Variants in RHBDL1 observed in about 807,000 individuals in gnomAD.
The protein encoded by RHBDL1 is rhomboid like 1, also known as rhomboid-related protein 1.
Under a neutral mutation model 34.0 loss-of-function variants are expected in RHBDL1, and 21 were observed. The ratio of observed to expected loss-of-function variants is 0.62; its 90% CI spans 0.44 to 0.89. The LOEUF (loss-of-function observed/expected upper bound fraction) is 0.89, where lower values mean the gene tolerates loss of function less well. RHBDL1 is among the 40% of genes least tolerant of loss of function. RHBDL1 has a pLI of 0.00. For missense variants in RHBDL1, 450 were observed against 530.6 expected (o/e 0.85, Z 1.49); for synonymous variants, 268 against 234.8 (o/e 1.14, Z -1.29).
Position 676,716 on chromosome 16 carries a change from C to T in RHBDL1, c.246C>T (p.Asn82=), listed in dbSNP as rs187335411. The T allele has an allele frequency of 1.7e-5, 27 of 1,612,332 alleles. No individual in the cohort carries two copies. The highest frequency in any genetic ancestry group is 6.7e-5 in the East Asian group (3 of 44,868). Residue 82 remains asparagine, a synonymous_variant, in exon 3 of 8, where the codon AAC becomes AAT. Transcript: ENST00000352681. The surrounding 1 kb of genome is among the most constrained non-coding windows in gnomAD (Gnocchi z 6.9). ...GCAGTTTCAAGCGGGCCATTGCTAA[C>T]GGACAGCGGGCACTGCCCCGGGACG... ...RSSSFKRAIA[N]GQRALPRDGP...
At chr16:677,730 G>C (rs974902314) in intron 7 of RHBDL1, 31 bp downstream of exon 7, 5 of 1,522,120 alleles carry the variant, frequency 3.3e-6, no homozygotes, top group Non-Finnish European at 3.5e-6. Flanking sequence ...GGGCCGGGGG[G>C]CCTCTCAGCC....
intron 1 of RHBDL1, 91 bp downstream of exon 1, chr16:675,920 A>G (rs2039526085): frequency 2.1e-6 from 3 of 1,422,828 alleles, no homozygotes; most frequent in Non-Finnish European, 2.8e-6. Flanking sequence ...GAGCTCCCCG[A>G]AAGCCCCGCT....
chr16:678,146 G>C lies in RHBDL1; in HGVS notation c.*94G>C, dbSNP rs2039586863. 7.0e-7 allele frequency: 1 copy of C among 1,424,638 alleles called. No individual in the cohort carries two copies. Among genetic ancestry groups the C allele is most frequent in the Non-Finnish European group, 9.1e-7 (1 of 1,095,724 alleles). The allele number at this position is 1,424,638 out of a possible 1,614,324, so 88.2% of individuals were successfully genotyped here. A position where few individuals can be genotyped will look rare whatever the true frequency, so the allele number is the denominator to read the frequency against. On this transcript the variant is annotated 3_prime_UTR_variant, in exon 8 of 8. Transcript: ENST00000352681. ...CTGCCCTTTGTGAACGGACGTCTCA[G>C]GGCTGCTGTGCCCCTTGGGTGTGGG... is the stretch of plus-strand genomic sequence containing the variant.
chr16:676,351 A>T lies in RHBDL1; in HGVS notation c.55A>T (p.Asn19Tyr), dbSNP rs756671413. 1.2e-6 allele frequency: 2 copies of T among 1,610,642 alleles called. No homozygotes were observed. Among genetic ancestry groups the T allele is most frequent in the Non-Finnish European group, 8.5e-7 (1 of 1,179,284 alleles). The stretch of plus-strand genomic sequence containing the variant: ...CTCACTGCAGCAGCTGGACCCCGAG[A>T]ACACAGGCTTCATCGGTGCGGACAC... ...LIQEQQLDPE[N>Y]TGFIGADTFT... The change falls in exon 2 of 8, where the codon AAC becomes TAC. Residue 19 changes from asparagine (N) to tyrosine (Y), a missense_variant. Physicochemically the swap from Asn to Tyr is moderately radical, Grantham distance 143. Coordinates refer to ENST00000352681, the MANE Select transcript of RHBDL1 (RefSeq NM_001278720.2). This position sits in a 1 kb window ranked among gnomAD's most constrained non-coding sequence, Gnocchi z 6.9.
rs768604704 is a variant in RHBDL1 at position 677,523 on chromosome 16, C to T, written c.753C>T (p.Tyr251=). 17 of 1,609,882 alleles carry T rather than the reference C, an allele frequency of 1.1e-5. No homozygotes were observed. The highest frequency in any genetic ancestry group is 2.2e-5 in the East Asian group (1 of 44,852). The change falls in exon 6 of 8, where the codon TAC becomes TAT. Residue 251 remains tyrosine, a synonymous_variant. Transcript: ENST00000352681. Reference sequence around the variant, plus strand: ...TGGTGGGAGGCTCCGGCGGGGTCTACGCCCTGTGCTCGGCACACCTGGCCA... The same window carrying T: ...TGGTGGGAGGCTCCGGCGGGGTCTATGCCCTGTGCTCGGCACACCTGGCCA... ...APVVGGSGGV[Y]ALCSAHLANV... is the part of the protein sequence containing the mutation.
At position 676,519 on chromosome 16, in the gene RHBDL1, C is replaced by T. The variant is rs189984085; in HGVS notation, c.201+22C>T. 51 of 1,573,386 alleles carry T rather than the reference C, an allele frequency of 3.2e-5. No homozygotes were observed. Among genetic ancestry groups the T allele is most frequent in the African/African-American group, 1.6e-4 (12 of 74,356 alleles). ...CCTGGTCAGTGCCACGGTGGGCAGGCGGCAGGGGCACGGTGTCCTGGCCAG... is the reference window on the plus strand; with the variant it reads ...CCTGGTCAGTGCCACGGTGGGCAGGTGGCAGGGGCACGGTGTCCTGGCCAG... On this transcript the variant is annotated intron_variant, in intron 2 of 7. Coordinates refer to ENST00000352681, the MANE Select transcript of RHBDL1 (RefSeq NM_001278720.2). This position sits in a 1 kb window ranked among gnomAD's most constrained non-coding sequence, Gnocchi z 6.9.
Position 677,441 on chromosome 16 carries a change from C to T in RHBDL1, c.689-18C>T, listed in dbSNP as rs779347115. 13 of 1,594,068 alleles carry T rather than the reference C, an allele frequency of 8.2e-6. No homozygotes were observed. The highest frequency in any genetic ancestry group is 1.6e-4 in the Middle Eastern group (1 of 6,064). On this transcript the variant is annotated intron_variant, in intron 5 of 7. Transcript: ENST00000352681. ...TGCCCTGGCCGGCTGCACCCTCACC[C>T]GCCGCTTGCTCACACAGGCTCCCTA...
In RHBDL1 at chr16:676,166, C is replaced by A; in HGVS notation, c.40-170C>A. 2 of 1,484,712 alleles carry A rather than the reference C, an allele frequency of 1.3e-6. No individual in the cohort carries two copies. Among genetic ancestry groups the A allele is most frequent in the Non-Finnish European group, 9.0e-7 (1 of 1,113,798 alleles). The allele number at this position is 1,484,712 out of a possible 1,614,324, so 92.0% of individuals were successfully genotyped here. A position where few individuals can be genotyped will look rare whatever the true frequency, so the allele number is the denominator to read the frequency against. ...GAGGACTGGGACCCAGGCACCAGTGCCCTGCCAGCTCCTGGGATCAAGCAG... is the reference window on the plus strand; with the variant it reads ...GAGGACTGGGACCCAGGCACCAGTGACCTGCCAGCTCCTGGGATCAAGCAG... On this transcript the variant is annotated intron_variant, in intron 1 of 7. Transcript: ENST00000352681. This position sits in a 1 kb window ranked among gnomAD's most constrained non-coding sequence, Gnocchi z 6.9.
In RHBDL1 at chr16:677,139, G is replaced by C. The variant is rs771906722; in HGVS notation, c.575+20G>C. The C allele has an allele frequency of 1.3e-5, 20 of 1,588,810 alleles. No homozygotes were observed. The highest frequency in any genetic ancestry group is 1.4e-5 in the Non-Finnish European group (16 of 1,164,206). ...CGTTGGGTGAGTAGCACTGCTGCCC[G>C]GTGAGCCCCGCCCCAACCTGCCATT... On this transcript the variant is annotated intron_variant, in intron 4 of 7. Transcript: ENST00000352681.
At position 678,053 on chromosome 16, in the gene RHBDL1, C is replaced by G. The variant is rs757762394; in HGVS notation, c.*1C>G. 60 of 1,557,454 alleles carry G rather than the reference C, an allele frequency of 3.9e-5. No individual in the cohort carries two copies. The South Asian group carries it at 4.9e-4, about 13-fold the overall frequency. On this transcript the variant is annotated 3_prime_UTR_variant, in exon 8 of 8. Transcript: ENST00000352681. ...CGCCCACATCCCCCCACCGCCCTGA[C>G]CGGCTACCTGAGGCTGCACAGGCCA... is the stretch of plus-strand genomic sequence containing the variant.
rs1475674121 is a variant in RHBDL1, at chr16:676,796, C to T, written c.326C>T (p.Ala109Val). ...TACAAGCGGTTTGTGCGTTACGTGGCCTACGAGATCCTGCCTTGTGAGGTG... is the reference window on the plus strand; with the variant it reads ...TACAAGCGGTTTGTGCGTTACGTGGTCTACGAGATCCTGCCTTGTGAGGTG... Reference protein sequence around the residue: ...GVYKRFVRYVAYEILPCEVDR... With the variant: ...GVYKRFVRYVVYEILPCEVDR... Residue 109 changes from alanine to valine, a missense_variant, in exon 3 of 8, where the codon GCC becomes GTC. Coordinates refer to ENST00000352681, the MANE Select transcript of RHBDL1 (RefSeq NM_001278720.2). The surrounding 1 kb of genome is among the most constrained non-coding windows in gnomAD (Gnocchi z 6.9). The T allele has an allele frequency of 3.1e-6, 5 of 1,611,168 alleles. No homozygotes were observed. The highest frequency in any genetic ancestry group is 1.1e-5 in the South Asian group (1 of 90,976).
In RHBDL1 at chr16:677,406, C is replaced by G. The variant is rs761244076; in HGVS notation, c.688+18C>G. 3.8e-6 allele frequency: 6 copies of G among 1,569,408 alleles called. No homozygotes were observed. Among genetic ancestry groups the G allele is most frequent in the Admixed American group, 1.8e-5 (1 of 54,354 alleles). On this transcript the variant is annotated intron_variant, in intron 5 of 7. Coordinates refer to ENST00000352681, the MANE Select transcript of RHBDL1 (RefSeq NM_001278720.2). ...GCTGGCAGGTGAGGCAGGCGCGCAC[C>G]CCCGCCCCCTGCCCTGGCCGGCTGC...
Position 677,452 on chromosome 16 carries a change from C to T in RHBDL1, c.689-7C>T. On this transcript the variant is annotated splice_polypyrimidine_tract_variant and splice_region_variant and intron_variant, in intron 5 of 7. Transcript: ENST00000352681. Reference sequence around the variant, plus strand: ...GCTGCACCCTCACCCGCCGCTTGCTCACACAGGCTCCCTAACCGTCTCCAT... The same window carrying T: ...GCTGCACCCTCACCCGCCGCTTGCTTACACAGGCTCCCTAACCGTCTCCAT... The T allele has an allele frequency of 6.2e-7, 1 of 1,603,496 alleles. No individual in the cohort carries two copies. Among genetic ancestry groups the T allele is most frequent in the Non-Finnish European group, 8.5e-7 (1 of 1,177,940 alleles).
intron 4 of RHBDL1, 47 bp downstream of exon 4, chr16:677,166 C>G: frequency 1.3e-6 from 2 of 1,582,516 alleles, no homozygotes; most frequent in Non-Finnish European, 1.7e-6. Flanking sequence ...CCTGCCATTA[C>G]ATCAGAAAGG....
chr16:676,382 C>T lies in RHBDL1; in HGVS notation c.86C>T (p.Thr29Ile), dbSNP rs745664865. The change falls in exon 2 of 8, where the codon ACT becomes ATT. Residue 29 changes from threonine to isoleucine, a missense_variant. Thr to Ile is a moderately conservative substitution (Grantham distance 89). Transcript: ENST00000352681. This position sits in a 1 kb window ranked among gnomAD's most constrained non-coding sequence, Gnocchi z 6.9. ...GGCTTCATCGGTGCGGACACCTTCA[C>T]TGGCCTGGTGCACAGCCATGAGCTG... is the stretch of plus-strand genomic sequence containing the variant. ...NTGFIGADTFTGLVHSHELPL... is the reference protein window; with the variant it reads ...NTGFIGADTFIGLVHSHELPL... The T allele has an allele frequency of 6.2e-7, 1 of 1,609,806 alleles. No homozygotes were observed. The highest frequency in any genetic ancestry group is 2.2e-5 in the East Asian group (1 of 44,804).
At chr16:675,986 A>T in intron 1 of RHBDL1, 157 bp downstream of exon 1, 9 of 1,351,464 alleles carry the variant, frequency 6.7e-6, no homozygotes, top group Non-Finnish European at 7.7e-6. Flanking sequence ...ACCCCAGGAG[A>T]GGACTGACTG....
rs1461655761 is a variant in RHBDL1 at position 675,786 on chromosome 16, G to A, written c.-5G>A. On this transcript the variant is annotated 5_prime_UTR_variant, in exon 1 of 8. Coordinates refer to ENST00000352681, the MANE Select transcript of RHBDL1 (RefSeq NM_001278720.2). ...ACCCCGGACCCCGGCCCCCGGCCAG[G>A]CTCTATGGACAGGAGCTCGCTGCTG... 13 of 1,484,162 alleles carry A rather than the reference G, an allele frequency of 8.8e-6. 1 individual carries two copies. Among genetic ancestry groups the A allele is most frequent in the African/African-American group, 2.9e-5 (2 of 69,388 alleles). The allele number at this position is 1,484,162 out of a possible 1,614,324, so 91.9% of individuals were successfully genotyped here.
Position 676,029 on chromosome 16 carries a change from G to A in RHBDL1, c.39+200G>A, listed in dbSNP as rs1262196100. ...GCTCCTGGCTGGAGAAGGGAGAGTC[G>A]GGGGGAGGGAGGGAGGGAGGGAGGG... On this transcript the variant is annotated intron_variant, in intron 1 of 7. Transcript: ENST00000352681. This position sits in a 1 kb window ranked among gnomAD's most constrained non-coding sequence, Gnocchi z 6.9. 4.9e-6 allele frequency: 7 copies of A among 1,433,208 alleles called. No individual in the cohort carries two copies. Among genetic ancestry groups the A allele is most frequent in the Non-Finnish European group, 5.5e-6 (6 of 1,089,096 alleles). 88.8% of individuals were successfully genotyped at this position (1,433,208 alleles called of 1,614,324 possible).
rs1262196100 is a variant in RHBDL1 at position 676,029 on chromosome 16, G to C, written c.39+200G>C. On this transcript the variant is annotated intron_variant, in intron 1 of 7. Coordinates refer to ENST00000352681, the MANE Select transcript of RHBDL1 (RefSeq NM_001278720.2). This position sits in a 1 kb window ranked among gnomAD's most constrained non-coding sequence, Gnocchi z 6.9. ...GCTCCTGGCTGGAGAAGGGAGAGTCGGGGGGAGGGAGGGAGGGAGGGAGGG... is the reference window on the plus strand; with the variant it reads ...GCTCCTGGCTGGAGAAGGGAGAGTCCGGGGGAGGGAGGGAGGGAGGGAGGG... 4 of 1,433,112 alleles carry C rather than the reference G, an allele frequency of 2.8e-6. No homozygotes were observed. In the Admixed American group the frequency reaches 8.7e-5, roughly 31 times the overall value. The allele number at this position is 1,433,112 out of a possible 1,614,324, so 88.8% of individuals were successfully genotyped here.
Sources: gnomAD v4.1 joint callset for allele counts on GRCh38, gnomAD v4.1.1 for gene constraint, Gnocchi (gnomAD v3.1) non-coding constraint, MANE v1.5 for transcripts, NCBI Gene and HGNC (gene_info 2026-07-23, HGNC 2026-07-21) for gene names.